Variants in BCAS3 observed in about 807,000 individuals in gnomAD.
BCAS3 encodes BCAS3 microtubule associated cell migration factor.
In BCAS3, 53 loss-of-function variants were observed where a neutral mutation model predicts 116.1. The ratio of observed to expected loss-of-function variants is 0.46; its 90% CI spans 0.37 to 0.57. The LOEUF is 0.57. Ranked by LOEUF, BCAS3 falls within the 20% of genes least tolerant of loss-of-function variation. BCAS3 has a pLI of 0.00. For missense variants in BCAS3, 917 were observed against 1,165.4 expected, an observed-to-expected ratio of 0.79 and a Z score of 3.10; for synonymous variants, 391 against 408.2, an observed-to-expected ratio of 0.96 and a Z score of 0.51.
intron 7 of BCAS3, among the ~76,000 whole-genome samples, chr17:60,864,448 T>C (rs904330824): frequency 2.0e-5 from 3 of 152,332 alleles, no homozygotes; most frequent in East Asian, 3.8e-4. Flanking sequence ...AGGCATTGCA[T>C]TGGCCAACAA....
chr17:60,950,199 A>G (rs888909259), intron 14 of BCAS3, among the ~76,000 whole-genome samples: 3 of 152,136 alleles, frequency 2.0e-5, no homozygotes, highest in Non-Finnish European at 4.4e-5. Context: ...TTAGTGATGC[A>G]AAAGTATTTA....
At chr17:61,194,975 G>T (rs184438962) in intron 22 of BCAS3, among the ~76,000 whole-genome samples, 202 of 152,252 alleles carry the variant, frequency 1.3e-3, no homozygotes, top group African/African-American at 4.6e-3. Flanking sequence ...CAGCCTGCAG[G>T]CTTGAAGAGA....
intron 7 of BCAS3, among the ~76,000 whole-genome samples, chr17:60,864,450 G>C (rs1466795652): frequency 6.6e-6 from 1 of 152,192 alleles, no homozygotes; most frequent in Admixed American, 6.5e-5. Flanking sequence ...GCATTGCATT[G>C]GCCAACAAAA....
chr17:61,170,560 G>A (rs1299199414), intron 22 of BCAS3, among the ~76,000 whole-genome samples: 1 of 152,106 alleles, frequency 6.6e-6, no homozygotes, highest in Admixed American at 6.5e-5. Flanking sequence ...CCAAAGTGCT[G>A]GGATTACAGG....
chr17:61,183,650 A>G (rs948624546), intron 22 of BCAS3, among the ~76,000 whole-genome samples: 2 of 152,248 alleles, frequency 1.3e-5, no homozygotes, highest in African/African-American at 2.4e-5. Flanking sequence ...TGAATCTACA[A>G]TATGGTATGT....
chr17:61,093,330 C>T (rs1391788094), intron 22 of BCAS3, among the ~76,000 whole-genome samples: 1 of 152,070 alleles, frequency 6.6e-6, no homozygotes, highest in African/African-American at 2.4e-5. Context: ...TGGCTTATGC[C>T]TATAATCCCA....
chr17:61,046,068 T>A (rs1333380994), intron 19 of BCAS3, among the ~76,000 whole-genome samples: 14 of 28,602 alleles, frequency 4.9e-4, no homozygotes, highest in Admixed American at 4.3e-3. Context: ...TATATATATA[T>A]AATATATATA....
intron 22 of BCAS3, among the ~76,000 whole-genome samples, chr17:61,210,075 C>T (rs1398580088): frequency 6.6e-6 from 1 of 152,198 alleles, no homozygotes; most frequent in Non-Finnish European, 1.5e-5. Context: ...CTGCAGAGTG[C>T]TTTAATTAGA....
At chr17:60,916,941 T>C (rs1252217039) in intron 12 of BCAS3, among the ~76,000 whole-genome samples, 8 of 152,180 alleles carry the variant, frequency 5.3e-5, no homozygotes, top group Non-Finnish European at 7.4e-5. Context: ...TAAGCAGAAA[T>C]TGGGACCCTT....
Position 61,105,723 on chromosome 17 carries a change from G to T in BCAS3, c.2425+21159G>T, listed in dbSNP as rs749380904. On this transcript the variant is annotated intron_variant, in intron 22 of 23. Transcript: ENST00000407086. This position sits in a 1 kb window ranked among gnomAD's most constrained non-coding sequence, Gnocchi z 4.3. The stretch of plus-strand genomic sequence containing the variant: ...ATTACAGGTGTGAGCCACTGTGCCC[G>T]GCCTAAACCCACAGAATTCTTATAC... Among the ~76,000 whole-genome samples the T allele has an allele frequency of 6.6e-6, 1 of 151,860 alleles. No individual in the cohort carries two copies.
At position 60,813,230 on chromosome 17, in the gene BCAS3, T is replaced by C. The variant is rs113218780; in HGVS notation, c.476+5154T>C. Among the ~76,000 whole-genome samples the C allele has an allele frequency of 9.9e-3, 1,504 of 151,942 alleles. 14 individuals are homozygous for C. Among genetic ancestry groups the C allele is most frequent in the Non-Finnish European group, 0.018 (1,197 of 67,948 alleles). On this transcript the variant is annotated intron_variant, in intron 7 of 23. Coordinates refer to ENST00000407086, the MANE Select transcript of BCAS3 (RefSeq NM_017679.5). ...TTCCGTCTATAGACTGTATTAAGAGTGCCCTAACCTCAGATTTATATATTT... is the reference window on the plus strand; with the variant it reads ...TTCCGTCTATAGACTGTATTAAGAGCGCCCTAACCTCAGATTTATATATTT...
In BCAS3 at chr17:60,961,125, T is replaced by G. The variant is rs2061393242; in HGVS notation, c.1221+13773T>G. Among the ~76,000 whole-genome samples the G allele has an allele frequency of 6.6e-6, 1 of 152,178 alleles. No individual in the cohort carries two copies. The highest frequency in any genetic ancestry group is 2.4e-5 in the African/African-American group (1 of 41,430). On this transcript the variant is annotated intron_variant, in intron 14 of 23. Transcript: ENST00000407086. This position sits in a 1 kb window ranked among gnomAD's most constrained non-coding sequence, Gnocchi z 4.8. ...AATACCAGAAGATCCAAAGGAAGTA[T>G]TATTGAATGGTAAAATAAGAAGCAC...
At chr17:60,817,795 GAA>G (rs1392483368) in intron 7 of BCAS3, among the ~76,000 whole-genome samples, 4 of 151,516 alleles carry the variant, frequency 2.6e-5, no homozygotes, top group African/African-American at 9.7e-5. Context: ...AAGAACATAT[GAA>G]AAAATTATAA....
At chr17:60,875,753 T>C (rs2055545846) in intron 9 of BCAS3, among the ~76,000 whole-genome samples, 2 of 152,026 alleles carry the variant, frequency 1.3e-5, no homozygotes, top group Admixed American at 1.3e-4. Flanking sequence ...AAATATTGTA[T>C]CTTAATTAAA....
At position 61,347,939 on chromosome 17, in the gene BCAS3, C is replaced by G. The variant is rs1414662201; in HGVS notation, c.2426-20388C>G. Among the ~76,000 whole-genome samples the G allele has an allele frequency of 1.3e-5, 2 of 152,152 alleles. No homozygotes were observed. Among genetic ancestry groups the G allele is most frequent in the African/African-American group, 4.8e-5 (2 of 41,410 alleles). On this transcript the variant is annotated intron_variant, in intron 22 of 23. Transcript: ENST00000407086. This position sits in a 1 kb window ranked among gnomAD's most constrained non-coding sequence, Gnocchi z 4.3. ...AAGCTGCTAGAGGCCAGATGATAGACAGTTGTGCTAAGAAGATTGGGCTTA... is the reference window on the plus strand; with the variant it reads ...AAGCTGCTAGAGGCCAGATGATAGAGAGTTGTGCTAAGAAGATTGGGCTTA...
chr17:60,714,403 GT>G, intron 5 of BCAS3, among the ~76,000 whole-genome samples: 1 of 152,212 alleles, frequency 6.6e-6, no homozygotes, highest in Non-Finnish European at 1.5e-5. Context: ...GGTGGCTCAT[GT>G]CTGTAATCCC....
Position 61,189,655 on chromosome 17 carries a change from C to G in BCAS3, c.2425+105091C>G, listed in dbSNP as rs2079984972. 6.6e-6 allele frequency among the ~76,000 whole-genome samples: 1 copy of G among 152,064 alleles called. No homozygotes were observed. The highest frequency in any genetic ancestry group is 1.5e-5 in the Non-Finnish European group (1 of 68,004). ...GGAATAGAAAGTTGAAAAATAGCTA[C>G]AAGTAAAAATTGTCAGGCATGGTGA... On this transcript the variant is annotated intron_variant, in intron 22 of 23. Coordinates refer to ENST00000407086, the MANE Select transcript of BCAS3 (RefSeq NM_017679.5). The surrounding 1 kb of genome is among the most constrained non-coding windows in gnomAD (Gnocchi z 4.5).
At chr17:61,000,758 A>G (rs978180506) in intron 15 of BCAS3, among the ~76,000 whole-genome samples, 3 of 152,188 alleles carry the variant, frequency 2.0e-5, no homozygotes, top group African/African-American at 7.2e-5. Context: ...TTAGAACAAT[A>G]CTAGGCTCAA....
At position 60,853,859 on chromosome 17, in the gene BCAS3, T is replaced by C. The variant is rs372136086; in HGVS notation, c.477-14717T>C. Among the ~76,000 whole-genome samples, 38 of 152,356 alleles carry C rather than the reference T, an allele frequency of 2.5e-4. No individual in the cohort carries two copies. The East Asian group carries it at 7.3e-3, about 29-fold the overall frequency. ...TAAACACCTCATTCCTTTTTATTGC[T>C]GAATAATACTCCATTGAATGGATAT... On this transcript the variant is annotated intron_variant, in intron 7 of 23. Coordinates refer to ENST00000407086, the MANE Select transcript of BCAS3 (RefSeq NM_017679.5).
Sources: gnomAD v4.1 joint callset for allele counts (sites outside exome capture counted in the v4.1 genomes callset) on GRCh38, gnomAD v4.1.1 for gene constraint, Gnocchi (gnomAD v3.1) non-coding constraint, MANE v1.5 for transcripts, NCBI Gene and HGNC (gene_info 2026-07-23, HGNC 2026-07-21) for gene names.